RPGRIP1: variants seen among roughly 807,000 people sequenced by gnomAD.
RPGRIP1 encodes X-linked retinitis pigmentosa GTPase regulator-interacting protein 1.
Under a neutral mutation model 157.9 loss-of-function variants are expected in RPGRIP1, and 128 were observed. The ratio of observed to expected loss-of-function variants is 0.81; its 90% CI spans 0.70 to 0.94. The LOEUF (loss-of-function observed/expected upper bound fraction) is 0.94, where lower values mean the gene tolerates loss of function less well. Ranked by LOEUF, RPGRIP1 falls within the 40% of genes least tolerant of loss-of-function variation. RPGRIP1 has a pLI of 0.00. For synonymous variants in RPGRIP1, 554 were observed against 571.6 expected, an observed-to-expected ratio of 0.97 and a Z score of 0.44; for missense variants, 1,486 against 1,545.8, an observed-to-expected ratio of 0.96 and a Z score of 0.65.
intron 1 of RPGRIP1, among the ~76,000 whole-genome samples, chr14:21,287,682 A>G (rs1880348276): frequency 6.6e-6 from 1 of 152,158 alleles, no homozygotes; most frequent in Non-Finnish European, 1.5e-5. Context: ...CTGAGCAGAC[A>G]CTTAAAAAAA....
Position 21,324,700 on chromosome 14 carries a change from A to G in RPGRIP1, c.1845A>G (p.Lys615=). The G allele has an allele frequency of 6.2e-7, 1 of 1,614,064 alleles. No individual in the cohort carries two copies. Among genetic ancestry groups the G allele is most frequent in the South Asian group, 1.1e-5 (1 of 91,092 alleles). ...TGCCAGCCCATGGAGATGAGGATAAAGTGGATATTTCTCTGCTGCATCAGG... is the reference window on the plus strand; with the variant it reads ...TGCCAGCCCATGGAGATGAGGATAAGGTGGATATTTCTCTGCTGCATCAGG... The part of the protein sequence containing the change: ...ETLPAHGDED[K]VDISLLHQGE... Residue 615 remains lysine (K), a synonymous_variant, in exon 15 of 25, where the codon AAA becomes AAG. Coordinates refer to ENST00000400017, the MANE Select transcript of RPGRIP1 (RefSeq NM_020366.4).
chr14:21,343,481 A>G (rs1470022165), intron 22 of RPGRIP1, among the ~76,000 whole-genome samples: 1 of 151,914 alleles, frequency 6.6e-6, no homozygotes, highest in Admixed American at 6.6e-5. Context: ...GGCTTCCCAC[A>G]TTTCAGCTAT....
chr14:21,290,676 A>G (rs1243629333), intron 2 of RPGRIP1, among the ~76,000 whole-genome samples: 1 of 152,078 alleles, frequency 6.6e-6, no homozygotes, highest in Non-Finnish European at 1.5e-5. Context: ...AAAATTAGCC[A>G]GGCCTGGTGG....
At chr14:21,333,578 C>T (rs1884009650) in intron 20 of RPGRIP1, among the ~76,000 whole-genome samples, 1 of 151,818 alleles carries the variant, frequency 6.6e-6, no homozygotes, top group Admixed American at 6.6e-5. Flanking sequence ...CTCAATGTGG[C>T]ATTAGATGGG....
chr14:21,312,336 G>T, intron 9 of RPGRIP1, 97 bp from the exon 10 acceptor site: 2 of 734,630 alleles, frequency 2.7e-6, no homozygotes, highest in Non-Finnish European at 4.4e-6. Context: ...GTGATAGAAA[G>T]CCTCTCACCC....
At position 21,297,406 on chromosome 14, in the gene RPGRIP1, A is replaced by G. The variant is rs1440813696; in HGVS notation, c.218+2597A>G. Among the ~76,000 whole-genome samples, 3 of 151,802 alleles carry G rather than the reference A, an allele frequency of 2.0e-5. No individual in the cohort carries two copies. The East Asian group carries it at 5.8e-4, about 29-fold the overall frequency. ...CACCGCGCCTGTCCCAGTGGGAAAA[A>G]CTCTTAACTTCAAAACATATTATTA... On this transcript the variant is annotated intron_variant, in intron 3 of 24. Transcript: ENST00000400017.
At position 21,317,706 on chromosome 14, in the gene RPGRIP1, A is replaced by G. The variant is rs780545638; in HGVS notation, c.1162A>G (p.Ser388Gly). The change falls in exon 11 of 25, where the codon AGC becomes GGC. Residue 388 changes from serine (S) to glycine (G), a missense_variant. Ser to Gly is a moderately conservative substitution (Grantham distance 56). Transcript: ENST00000400017. Reference sequence around the variant, plus strand: ...GCTTTCCATTGCCAGCATGCTGGACAGCAGTGACAGCTCCAGTCAGCCCCA... The same window carrying G: ...GCTTTCCATTGCCAGCATGCTGGACGGCAGTGACAGCTCCAGTCAGCCCCA... ...YDKLLESMLD[S>G]SDSSSQPHWS... The G allele has an allele frequency of 1.3e-6, 2 of 1,585,226 alleles. No homozygotes were observed. The highest frequency in any genetic ancestry group is 2.3e-5 in the East Asian group (1 of 43,548).
rs1594173562 is a variant in RPGRIP1 at position 21,301,323 on chromosome 14, T to G, written c.490+86T>G. 2.9e-6 allele frequency: 4 copies of G among 1,372,606 alleles called. No individual in the cohort carries two copies. In the East Asian group the frequency reaches 1.0e-4, roughly 35 times the overall value. The allele number at this position is 1,372,606 out of a possible 1,614,324, so 85.0% of individuals were successfully genotyped here. A position where few individuals can be genotyped will look rare whatever the true frequency, so the allele number is the denominator to read the frequency against. ...CCACGTTTTCCTCACTGCCTTCTTC[T>G]GCCCACCACCCCATTTTGTTCTTTT... On this transcript the variant is annotated intron_variant, in intron 4 of 24. Coordinates refer to ENST00000400017, the MANE Select transcript of RPGRIP1 (RefSeq NM_020366.4).
chr14:21,304,864 T>C (rs8019326), intron 6 of RPGRIP1, among the ~76,000 whole-genome samples: 74,016 of 151,386 alleles, frequency 0.49, 18,218 homozygotes, highest in South Asian at 0.59. Context: ...GGCAGTGGCG[T>C]GATCTCGGCT....
intron 17 of RPGRIP1, among the ~76,000 whole-genome samples, chr14:21,327,280 A>G (rs920474919): frequency 2.0e-5 from 3 of 152,194 alleles, no homozygotes; most frequent in Non-Finnish European, 4.4e-5. Context: ...TTTTCTTGGT[A>G]CAACTAAGGC....
intron 21 of RPGRIP1, among the ~76,000 whole-genome samples, chr14:21,340,810 T>C (rs147329452): frequency 2.0e-5 from 3 of 152,322 alleles, no homozygotes; most frequent in African/African-American, 7.2e-5. Context: ...CCAGGCTTAC[T>C]ATTAACATTT....
Position 21,307,732 on chromosome 14 carries a change from G to A in RPGRIP1, c.802G>A (p.Ala268Thr). Residue 268 changes from alanine to threonine, a missense_variant and splice_region_variant, in exon 7 of 25, where the codon GCT becomes ACT. Transcript: ENST00000400017. The part of the protein sequence containing the change: ...ECAQKAAELR[A>T]SIKEKVELIR... Reference sequence around the variant, plus strand: ...ATAATTTAGCGCCTTTCTCTGCAGAGCTTCCATTAAAGAGAAGGTAGAGCT... The same window carrying A: ...ATAATTTAGCGCCTTTCTCTGCAGAACTTCCATTAAAGAGAAGGTAGAGCT... The A allele has an allele frequency of 1.3e-6, 2 of 1,548,250 alleles. No homozygotes were observed. The highest frequency in any genetic ancestry group is 1.2e-5 in the South Asian group (1 of 83,980).
At chr14:21,317,120 A>C (rs1395651548) in intron 10 of RPGRIP1, among the ~76,000 whole-genome samples, 2 of 148,950 alleles carry the variant, frequency 1.3e-5, no homozygotes, top group African/African-American at 4.9e-5. Flanking sequence ...ATTCTGTCTC[A>C]AAAAAAAAAG....
Position 21,311,828 on chromosome 14 carries a change from A to G in RPGRIP1, c.935A>G (p.Gln312Arg), listed in dbSNP as rs1412158843. The change falls in exon 9 of 25, where the codon CAG (glutamine) becomes CGG (arginine). Residue 312 changes from glutamine to arginine, a missense_variant. Gln to Arg is a conservative substitution (Grantham distance 43). Transcript: ENST00000400017. ...EAYETLLQKNQGILSAAHEAL... is the reference protein window; with the variant it reads ...EAYETLLQKNRGILSAAHEAL... ...GGTACTTTCCTTTTGACCCAGAATC[A>G]GGGAATCCTGAGTGCAGCCCATGAG... 4 of 1,599,032 alleles carry G rather than the reference A, an allele frequency of 2.5e-6. No individual in the cohort carries two copies. Among genetic ancestry groups the G allele is most frequent in the Non-Finnish European group, 3.4e-6 (4 of 1,174,746 alleles).
chr14:21,287,283 G>T (rs768820719), intron 1 of RPGRIP1, among the ~76,000 whole-genome samples: 3 of 151,928 alleles, frequency 2.0e-5, no homozygotes, highest in Admixed American at 1.3e-4. Flanking sequence ...CTGTAATCCC[G>T]GCTAGACTGG....
intron 22 of RPGRIP1, among the ~76,000 whole-genome samples, chr14:21,343,866 G>GGTT (rs1885273916): frequency 1.2e-4 from 6 of 50,422 alleles, no homozygotes; most frequent in Non-Finnish European, 1.1e-4. Flanking sequence ...CTCTTTTCCT[G>GGTT]TTTTTTTTTT....
Position 21,294,600 on chromosome 14 carries a change from AGATGT to A in RPGRIP1, c.86-72_86-68del, listed in dbSNP as rs1161948722. On this transcript the variant is annotated intron_variant, in intron 2 of 24. Coordinates refer to ENST00000400017, the MANE Select transcript of RPGRIP1 (RefSeq NM_020366.4). ...AAGATAGATTTATGCTCTCTGGACA[AGATGT>A]GATGAGACATCTAAAGGGTTCAAAA... 8 of 1,367,590 alleles carry A rather than the reference AGATGT, an allele frequency of 5.8e-6. No homozygotes were observed. In the African/African-American group the frequency reaches 1.0e-4, roughly 17 times the overall value. The allele number at this position is 1,367,590 out of a possible 1,614,324, so 84.7% of individuals were successfully genotyped here.
At chr14:21,316,138 T>G (rs953981415) in intron 10 of RPGRIP1, among the ~76,000 whole-genome samples, 1 of 151,418 alleles carries the variant, frequency 6.6e-6, no homozygotes, top group African/African-American at 2.4e-5. Flanking sequence ...CCACCACACC[T>G]GGTTAATTTT....
In RPGRIP1 at chr14:21,343,228, G is replaced by A; in HGVS notation, c.3532G>A (p.Val1178Ile). 1 of 1,611,344 alleles carries A rather than the reference G, an allele frequency of 6.2e-7. No individual in the cohort carries two copies. The highest frequency in any genetic ancestry group is 1.1e-5 in the South Asian group (1 of 90,582). Residue 1178 changes from valine to isoleucine, a missense_variant and splice_region_variant, in exon 22 of 25, where the codon GTA (valine) becomes ATA (isoleucine). Val to Ile is a conservative substitution (Grantham distance 29). Transcript: ENST00000400017. ...AGAAATCCACTTTCACTTTAGCAAG[G>A]GTGAGGCATCCTGTGTGGTTACTGG... ...GEEIHFHFSK[V>I]IDLDPQEQQG...
Sources: allele counts gnomAD v4.1 joint callset (sites outside exome capture counted in the v4.1 genomes callset), GRCh38; gene constraint gnomAD v4.1.1; transcripts MANE v1.5; gene names NCBI Gene and HGNC (gene_info 2026-07-23, HGNC 2026-07-21).